The following KIAA1217 variants were observed in gnomAD, a reference collection of about 807,000 sequenced individuals.
The protein encoded by KIAA1217 is KIAA1217, also known as sickle tail protein homolog.
KIAA1217 carries 88 observed loss-of-function variants against 163.9 expected under a neutral mutation model. That is an observed-to-expected ratio of 0.54 (90% CI 0.45 to 0.64). The LOEUF (loss-of-function observed/expected upper bound fraction) is 0.64, where lower values mean the gene tolerates loss of function less well. KIAA1217 is among the 30% of genes least tolerant of loss of function. KIAA1217 has a pLI of 0.00. For missense variants in KIAA1217, 2,372 were observed against 2,475.0 expected, an observed-to-expected ratio of 0.96 and a Z score of 0.88; for synonymous variants, 903 against 923.1, an observed-to-expected ratio of 0.98 and a Z score of 0.39.
intron 1 of KIAA1217, among the ~76,000 whole-genome samples, chr10:23,753,547 G>A (rs1833767173): frequency 6.6e-6 from 1 of 152,154 alleles, no homozygotes; most frequent in Admixed American, 6.5e-5. Context: ...CTTACAGACT[G>A]TGTTCAATTG....
At chr10:23,762,249 C>A (rs1375978398) in intron 1 of KIAA1217, among the ~76,000 whole-genome samples, 1 of 151,890 alleles carries the variant, frequency 6.6e-6, no homozygotes, top group East Asian at 1.9e-4. Flanking sequence ...AAAGAAGGGA[C>A]TCCTCCCTAA....
intron 2 of KIAA1217, among the ~76,000 whole-genome samples, chr10:24,353,164 G>C (rs2048669027): frequency 2.0e-5 from 3 of 152,046 alleles, no homozygotes; most frequent in Non-Finnish European, 4.4e-5. Context: ...GTTTTGCAAA[G>C]GACAGGAGAT....
At chr10:24,102,826 C>A (rs546579705) in intron 2 of KIAA1217, among the ~76,000 whole-genome samples, 1 of 152,174 alleles carries the variant, frequency 6.6e-6, no homozygotes, top group African/African-American at 2.4e-5. Flanking sequence ...CTACCCAAGT[C>A]TCATCTTGAA....
At chr10:23,698,404 A>G (rs1408801920) in intron 1 of KIAA1217, among the ~76,000 whole-genome samples, 2 of 152,228 alleles carry the variant, frequency 1.3e-5, no homozygotes. Flanking sequence ...TCTTTAACCA[A>G]ACATTGAGAT....
chr10:24,261,499 CA>C (rs574514121), intron 2 of KIAA1217, among the ~76,000 whole-genome samples: 136 of 131,856 alleles, frequency 1.0e-3, no homozygotes, highest in Admixed American at 1.3e-3. Flanking sequence ...CTGTCTCAGA[CA>C]AAAAAAAAAA....
At chr10:23,869,265 G>A (rs1180149811) in intron 1 of KIAA1217, among the ~76,000 whole-genome samples, 8 of 149,780 alleles carry the variant, frequency 5.3e-5, no homozygotes, top group South Asian at 4.2e-4. Flanking sequence ...GATGGTATAC[G>A]TCTTGAAGGA....
In KIAA1217 at chr10:24,533,022, G is replaced by C. The variant is rs1281274960; in HGVS notation, c.3247-48G>C. The C allele has an allele frequency of 2.0e-6, 3 of 1,528,918 alleles. No homozygotes were observed. The South Asian group carries it at 3.9e-5, about 20-fold the overall frequency. 94.7% of individuals were successfully genotyped at this position (1,528,918 alleles called of 1,614,324 possible). On this transcript the variant is annotated intron_variant, in intron 15 of 20. Coordinates refer to ENST00000376454, the MANE Select transcript of KIAA1217 (RefSeq NM_019590.5). ...CATACGATCTGTCCCTTTTTTGCTAGCACCTAGGAGATGTTAAACCACTAT... is the reference window on the plus strand; with the variant it reads ...CATACGATCTGTCCCTTTTTTGCTACCACCTAGGAGATGTTAAACCACTAT...
chr10:24,418,556 C>A (rs1323993159), intron 3 of KIAA1217, among the ~76,000 whole-genome samples: 2 of 152,190 alleles, frequency 1.3e-5, no homozygotes, highest in Non-Finnish European at 2.9e-5. Flanking sequence ...TATATTCACT[C>A]CTCTGTAATA....
intron 2 of KIAA1217, among the ~76,000 whole-genome samples, chr10:24,029,598 G>A (rs372224976): frequency 4.6e-5 from 7 of 152,180 alleles, no homozygotes; most frequent in African/African-American, 1.7e-4. Flanking sequence ...AAGCCAACTG[G>A]GGGAAATTTC....
At chr10:24,076,621 T>G (rs2061375411) in intron 2 of KIAA1217, among the ~76,000 whole-genome samples, 1 of 152,194 alleles carries the variant, frequency 6.6e-6, no homozygotes, top group Admixed American at 6.5e-5. Flanking sequence ...AAAAGATGAG[T>G]GCCTTACCTC....
At chr10:24,187,193 A>T (rs2066477144) in intron 2 of KIAA1217, among the ~76,000 whole-genome samples, 1 of 152,104 alleles carries the variant, frequency 6.6e-6, no homozygotes, top group Admixed American at 6.5e-5. Flanking sequence ...ATTTTTCCTA[A>T]CATGAGCTTC....
intron 2 of KIAA1217, among the ~76,000 whole-genome samples, chr10:24,313,806 G>C (rs1215266420): frequency 6.8e-6 from 1 of 146,648 alleles, no homozygotes; most frequent in East Asian, 2.0e-4. Flanking sequence ...TTCTTGCTTT[G>C]TAAGACTGCA....
chr10:23,991,090 C>T (rs1029121947), intron 1 of KIAA1217, among the ~76,000 whole-genome samples: 2 of 152,152 alleles, frequency 1.3e-5, no homozygotes, highest in Admixed American at 1.3e-4. Context: ...ACATTTAGAG[C>T]CAGGATTGTC....
intron 1 of KIAA1217, among the ~76,000 whole-genome samples, chr10:23,849,724 A>G (rs569752581): frequency 8.5e-5 from 13 of 152,248 alleles, no homozygotes; most frequent in African/African-American, 2.4e-4. Context: ...GTTGCTCTCA[A>G]TGGATTTCCT....
chr10:24,150,671 G>T (rs1348765091), intron 2 of KIAA1217, among the ~76,000 whole-genome samples: 1 of 152,194 alleles, frequency 6.6e-6, no homozygotes, highest in Non-Finnish European at 1.5e-5. Flanking sequence ...TGGATATGCA[G>T]TAAAATAGCC....
chr10:24,123,791 A>G (rs1176346460), intron 2 of KIAA1217, among the ~76,000 whole-genome samples: 2 of 152,174 alleles, frequency 1.3e-5, no homozygotes, highest in Non-Finnish European at 1.5e-5. Context: ...TTGTTTCCCC[A>G]TATCTTTTCC....
chr10:23,779,416 G>C (rs1179659644), intron 1 of KIAA1217, among the ~76,000 whole-genome samples: 1 of 152,122 alleles, frequency 6.6e-6, no homozygotes, highest in African/African-American at 2.4e-5. Flanking sequence ...ACCTCTTTAA[G>C]CTAGCTATTA....
rs200860939 is a variant in KIAA1217 at position 24,415,112 on chromosome 10, T to C, written c.554-17883T>C. On this transcript the variant is annotated intron_variant, in intron 3 of 20. Coordinates refer to ENST00000376454, the MANE Select transcript of KIAA1217 (RefSeq NM_019590.5). ...CAGCATGGTAGCCTGATCTCTCTCT[T>C]TTTTTTTTTTTTTTTTTTTGAGATA... Among the ~76,000 whole-genome samples, 129 of 83,724 alleles carry C rather than the reference T, an allele frequency of 1.5e-3. No homozygotes were observed. In the East Asian group the frequency reaches 0.023, roughly 15 times the overall value. The allele number at this position is 83,724 out of a possible 152,430, so 54.9% of individuals were successfully genotyped here.
chr10:24,037,658 A>T (rs1366391540), intron 2 of KIAA1217, among the ~76,000 whole-genome samples: 1 of 152,214 alleles, frequency 6.6e-6, no homozygotes, highest in Non-Finnish European at 1.5e-5. Context: ...TCCAGATTAA[A>T]GCAGCATTCT....
Sources: gnomAD v4.1 joint callset for allele counts (sites outside exome capture counted in the v4.1 genomes callset) on GRCh38, gnomAD v4.1.1 for gene constraint, MANE v1.5 for transcripts, NCBI Gene and HGNC (gene_info 2026-07-23, HGNC 2026-07-21) for gene names.